Variants in PDE3B observed in about 807,000 individuals in gnomAD.
PDE3B encodes phosphodiesterase 3B.
PDE3B carries 66 observed loss-of-function variants against 116.8 expected under a neutral mutation model. That is an observed-to-expected ratio of 0.56 (90% confidence interval 0.46 to 0.69). The LOEUF is 0.69. Ranked by LOEUF, PDE3B falls within the 30% of genes least tolerant of loss-of-function variation. The pLI is 0.00. For missense variants in PDE3B, 1,384 were observed against 1,368.1 expected, an observed-to-expected ratio of 1.01 and a Z score of -0.18; for synonymous variants, 595 against 533.6, an observed-to-expected ratio of 1.12 and a Z score of -1.59.
At chr11:14,650,166 C>T (rs144023836) in intron 1 of PDE3B, among the ~76,000 whole-genome samples, 1 of 150,678 alleles carries the variant, frequency 6.6e-6, no homozygotes, top group Non-Finnish European at 1.5e-5. Context: ...TTGGCCACCT[C>T]TTCCTTACAT....
At chr11:14,662,287 C>A (rs1042262631) in intron 1 of PDE3B, among the ~76,000 whole-genome samples, 13 of 152,072 alleles carry the variant, frequency 8.5e-5, no homozygotes, top group African/African-American at 3.1e-4. Flanking sequence ...GAAAGGACAT[C>A]CACACCAAAA....
chr11:14,897,731 CA>C, the PDE3B span, among the ~76,000 whole-genome samples: 1 of 152,146 alleles, frequency 6.6e-6, no homozygotes, highest in Non-Finnish European at 1.5e-5. Flanking sequence ...AGGAGATGGT[CA>C]GTCAGACTTT....
chr11:14,728,067 C>G (rs923516774), intron 1 of PDE3B, among the ~76,000 whole-genome samples: 2 of 152,022 alleles, frequency 1.3e-5, no homozygotes, highest in Non-Finnish European at 2.9e-5. Context: ...TACATGCTTA[C>G]TTTTCACAGA....
intron 1 of PDE3B, among the ~76,000 whole-genome samples, chr11:14,710,982 G>A (rs1378836852): frequency 1.3e-5 from 2 of 152,126 alleles, no homozygotes; most frequent in Non-Finnish European, 2.9e-5. Context: ...TTAAAGACTA[G>A]TATATAATAG....
rs908857550 is a variant in PDE3B, at chr11:14,847,425, A to C, written c.2520+3399A>C. On this transcript the variant is annotated intron_variant, in intron 12 of 15. Coordinates refer to ENST00000282096, the MANE Select transcript of PDE3B (RefSeq NM_000922.4). Reference sequence around the variant, plus strand: ...AATTGACACCCTAACATCACAATTAAAAGAACTAGAAAAGCAAGAGCAAAC... The same window carrying C: ...AATTGACACCCTAACATCACAATTACAAGAACTAGAAAAGCAAGAGCAAAC... Among the ~76,000 whole-genome samples, 7 of 151,742 alleles carry C rather than the reference A, an allele frequency of 4.6e-5. No individual in the cohort carries two copies. The East Asian group carries it at 1.2e-3, about 25-fold the overall frequency.
chr11:14,686,737 A>G (rs1854885505), intron 1 of PDE3B, among the ~76,000 whole-genome samples: 2 of 152,096 alleles, frequency 1.3e-5, no homozygotes, highest in Admixed American at 1.3e-4. Context: ...TTTTAAAGAC[A>G]GAGTCTCGCT....
chr11:14,658,390 CTT>C (rs1398555023), intron 1 of PDE3B, among the ~76,000 whole-genome samples: 2 of 151,894 alleles, frequency 1.3e-5, no homozygotes, highest in Non-Finnish European at 2.9e-5. Context: ...GAGTCCTGCT[CTT>C]GTCGCCCAGG....
At chr11:14,673,606 C>G in intron 1 of PDE3B, 1 of 625,912 alleles carries the variant, frequency 1.6e-6, no homozygotes, top group Non-Finnish European at 3.1e-6. Flanking sequence ...GGACGGTTCT[C>G]AGGAGGAGCC....
At chr11:14,835,445 A>T (rs7108085) in intron 11 of PDE3B, among the ~76,000 whole-genome samples, 53,225 of 150,654 alleles carry the variant, frequency 0.35, 10,610 homozygotes, top group Admixed American at 0.45. Flanking sequence ...TTTAAAAAAA[A>T]TTTTTTTTTT....
At chr11:14,654,787 T>TACACACACACACACACACAC (rs59557281) in intron 1 of PDE3B, among the ~76,000 whole-genome samples, 5 of 141,984 alleles carry the variant, frequency 3.5e-5, no homozygotes, top group African/African-American at 1.0e-4. Flanking sequence ...AGCAGCTGTC[T>TACACACACACACACACACAC]ACACACACAC....
chr11:14,786,796 A>G (rs1461550664), intron 3 of PDE3B, 111 bp downstream of exon 3: 3 of 821,280 alleles, frequency 3.7e-6, no homozygotes, highest in Admixed American at 5.3e-5. Flanking sequence ...AGGATCAGAC[A>G]TAATATTGAG....
intron 5 of PDE3B, among the ~76,000 whole-genome samples, chr11:14,807,986 G>C (rs186429808): frequency 1.6e-4 from 24 of 152,006 alleles, no homozygotes; most frequent in Admixed American, 7.2e-4. Context: ...CTTGAACCCG[G>C]GAGACAGAGA....
intron 1 of PDE3B, among the ~76,000 whole-genome samples, chr11:14,652,229 A>G (rs200096713): frequency 1.3e-5 from 2 of 152,100 alleles, no homozygotes; most frequent in East Asian, 1.9e-4. Context: ...CCATTTGTTG[A>G]AAAAAACTGT....
chr11:14,655,689 G>A (rs1853699151), intron 1 of PDE3B, among the ~76,000 whole-genome samples: 1 of 152,202 alleles, frequency 6.6e-6, no homozygotes, highest in South Asian at 2.1e-4. Context: ...TTTCGGGGGA[G>A]TGTATTGGAA....
chr11:14,867,141 T>G (rs1218938227), intron 14 of PDE3B, among the ~76,000 whole-genome samples: 1 of 152,048 alleles, frequency 6.6e-6, no homozygotes, highest in Non-Finnish European at 1.5e-5. Flanking sequence ...ATTTGAGATA[T>G]AACTACAACA....
In PDE3B at chr11:14,869,444, T is replaced by C; in HGVS notation, c.3140-17T>C. ...CATATTGCTATGATTAGAATATATTTATTTTAAATTTCACAGAACCACCAA... is the reference window on the plus strand; with the variant it reads ...CATATTGCTATGATTAGAATATATTCATTTTAAATTTCACAGAACCACCAA... On this transcript the variant is annotated splice_polypyrimidine_tract_variant and intron_variant, in intron 15 of 15. Transcript: ENST00000282096. 6.3e-7 allele frequency: 1 copy of C among 1,598,750 alleles called. No homozygotes were observed. Among genetic ancestry groups the C allele is most frequent in the East Asian group, 2.2e-5 (1 of 44,782 alleles).
At chr11:14,803,117 A>G (rs867760449) in intron 4 of PDE3B, among the ~76,000 whole-genome samples, 46 of 152,336 alleles carry the variant, frequency 3.0e-4, no homozygotes, top group African/African-American at 1.0e-3. Context: ...TTAGGGGGGA[A>G]TAAAAGGCTA....
chr11:14,672,706 A>G (rs1458402759), intron 1 of PDE3B, among the ~76,000 whole-genome samples: 1 of 152,108 alleles, frequency 6.6e-6, no homozygotes, highest in East Asian at 1.9e-4. Context: ...TCAAGCTAGG[A>G]CATTGTCACA....
chr11:14,892,634 C>T, the PDE3B span, among the ~76,000 whole-genome samples: 1 of 152,198 alleles, frequency 6.6e-6, no homozygotes, highest in Non-Finnish European at 1.5e-5. Context: ...AGATGATCAA[C>T]ACTGCAGTCT....
Sources: gnomAD v4.1 joint callset for allele counts (sites outside exome capture counted in the v4.1 genomes callset) on GRCh38, gnomAD v4.1.1 for gene constraint, MANE v1.5 for transcripts, NCBI Gene and HGNC (gene_info 2026-07-23, HGNC 2026-07-21) for gene names.